RFWD3: variants seen among roughly 807,000 people sequenced by gnomAD.
The protein encoded by RFWD3 is ring finger and WD repeat domain 3, also known as E3 ubiquitin-protein ligase RFWD3.
RFWD3 carries 65 observed loss-of-function variants against 87.7 expected under a neutral mutation model. The ratio of observed to expected loss-of-function variants is 0.74; its 90% CI spans 0.61 to 0.91. The LOEUF (loss-of-function observed/expected upper bound fraction) is 0.91. Among genes scored for constraint, RFWD3 ranks in the 40% least tolerant of loss-of-function variants. The pLI is 0.00. For synonymous variants in RFWD3, 433 were observed against 352.8 expected (o/e 1.23, Z -2.55); for missense variants, 1,078 against 938.5 (o/e 1.15, Z -1.94).
chr16:74,640,637 T>C (rs1485686680), intron 6 of RFWD3, among the ~76,000 whole-genome samples: 2 of 151,776 alleles, frequency 1.3e-5, no homozygotes, highest in Non-Finnish European at 2.9e-5. Flanking sequence ...AGCAAGACCC[T>C]GTCTTTAAAA....
chr16:74,664,857 T>C (rs1156384899), intron 1 of RFWD3: 5 of 152,140 alleles, frequency 3.3e-5, no homozygotes, highest in African/African-American at 9.7e-5. Flanking sequence ...ACAGCAGAAA[T>C]ACAGAACACT....
At chr16:74,636,719 T>C in intron 7 of RFWD3, 142 bp from the exon 8 acceptor site, 1 of 708,738 alleles carries the variant, frequency 1.4e-6, no homozygotes, top group East Asian at 2.8e-5. Flanking sequence ...GCAGAGTTTT[T>C]GTTTTTTTTT....
At chr16:74,624,754 G>T (rs1958872391) in intron 12 of RFWD3, among the ~76,000 whole-genome samples, 1 of 152,172 alleles carries the variant, frequency 6.6e-6, no homozygotes, top group Non-Finnish European at 1.5e-5. Context: ...CCAACACTTT[G>T]GGAGTCTGAG....
chr16:74,633,769 G>A (rs1959169549), intron 8 of RFWD3, among the ~76,000 whole-genome samples: 1 of 152,044 alleles, frequency 6.6e-6, no homozygotes, highest in African/African-American at 2.4e-5. Context: ...GGGCAATATG[G>A]TGAAACCCTG....
Position 74,644,584 on chromosome 16 carries a change from C to T in RFWD3, c.944G>A (p.Cys315Tyr). The change falls in exon 5 of 13, where the codon TGC (cysteine) becomes TAC (tyrosine). Residue 315 changes from cysteine to tyrosine, a missense_variant. Cys to Tyr is a radical substitution (Grantham distance 194). Transcript: ENST00000361070. ...TTGTCCTTTAAGCCACGTGGAAATG[C>T]ACCTATACCCAAAGAGATGCCCACA... The part of the protein sequence containing the change: ...LRCGHLFGYR[C>Y]ISTWLKGQVR... The T allele has an allele frequency of 6.2e-7, 1 of 1,614,170 alleles. No homozygotes were observed. Among genetic ancestry groups the T allele is most frequent in the Non-Finnish European group, 8.5e-7 (1 of 1,180,030 alleles).
At chr16:74,642,419 TG>T (rs1959739813) in intron 6 of RFWD3, among the ~76,000 whole-genome samples, 1 of 152,110 alleles carries the variant, frequency 6.6e-6, no homozygotes, top group African/African-American at 2.4e-5. Context: ...CCACTGTGCC[TG>T]GCCCTTCTAC....
intron 6 of RFWD3, among the ~76,000 whole-genome samples, chr16:74,640,145 A>ATTT (rs11358380): frequency 7.3e-6 from 1 of 136,112 alleles, no homozygotes; most frequent in East Asian, 2.2e-4. Context: ...TGGAAACTTA[A>ATTT]TTTTTTTTTT....
chr16:74,632,965 C>T (rs1959147526), intron 8 of RFWD3, among the ~76,000 whole-genome samples: 1 of 152,074 alleles, frequency 6.6e-6, no homozygotes, highest in Non-Finnish European at 1.5e-5. Context: ...CCACACCTGG[C>T]CTATGATTCA....
intron 7 of RFWD3, among the ~76,000 whole-genome samples, chr16:74,637,514 C>A (rs916636377): frequency 2.6e-5 from 4 of 152,044 alleles, no homozygotes. Flanking sequence ...GTAATCCCAG[C>A]ACCTCGAGAT....
In RFWD3 at chr16:74,661,280, G is replaced by A; in HGVS notation, c.170C>T (p.Pro57Leu). The change falls in exon 2 of 13, where the codon CCT becomes CTT. Residue 57 changes from proline to leucine, a missense_variant. Pro to Leu is a moderately conservative substitution (Grantham distance 98, BLOSUM62 -3). Transcript: ENST00000361070. Reference protein sequence around the residue: ...QGVPSILQPAPAEVISSQATP... With the variant: ...QGVPSILQPALAEVISSQATP... The stretch of plus-strand genomic sequence containing the variant: ...CGCTTGGCTGCTGATCACCTCAGCA[G>A]GAGCTGGCTGGAGGATGGATGGTAC... 6.2e-7 allele frequency: 1 copy of A among 1,614,202 alleles called. No homozygotes were observed. Among genetic ancestry groups the A allele is most frequent in the African/African-American group, 1.3e-5 (1 of 75,056 alleles).
At chr16:74,650,593 G>T (rs1960484456) in intron 3 of RFWD3, among the ~76,000 whole-genome samples, 1 of 151,960 alleles carries the variant, frequency 6.6e-6, no homozygotes, top group East Asian at 1.9e-4. Flanking sequence ...GATGATCTTT[G>T]CCTAGATATA....
intron 1 of RFWD3, among the ~76,000 whole-genome samples, chr16:74,666,056 G>A (rs1961867324): frequency 6.6e-6 from 1 of 152,038 alleles, no homozygotes; most frequent in Non-Finnish European, 1.5e-5. Flanking sequence ...GGGAGAGGGA[G>A]AGGCGGAGGG....
In RFWD3 at chr16:74,659,344, GT is replaced by G. The variant is rs553268226; in HGVS notation, c.518+1587del. ...AAGTTAGCCCATTTACTTTGGGAGG[GT>G]CCCCAAATTACACCATAAGGTGCCT... On this transcript the variant is annotated intron_variant, in intron 2 of 12. Coordinates refer to ENST00000361070, the MANE Select transcript of RFWD3 (RefSeq NM_018124.4). 1.5e-3 allele frequency among the ~76,000 whole-genome samples: 231 copies of G among 152,202 alleles called. 1 individual carries two copies. The highest frequency in any genetic ancestry group is 2.7e-3 in the Non-Finnish European group (183 of 68,010).
At position 74,637,918 on chromosome 16, in the gene RFWD3, G is replaced by C. The variant is rs2144131341; in HGVS notation, c.1132C>G (p.Gln378Glu). ...LRKQAELESA[Q>E]CRLQLQVLTD... ...AGGACCTGCAGTTGGAGTCGGCACT[G>C]TGCTGATTCTAACTCGGCCTGTTTC... is the stretch of plus-strand genomic sequence containing the variant. Residue 378 changes from glutamine (Q) to glutamate (E), a missense_variant, in exon 7 of 13, where the codon CAG becomes GAG. Physicochemically the swap from Gln to Glu is conservative, Grantham distance 29 (BLOSUM62 2). Coordinates refer to ENST00000361070, the MANE Select transcript of RFWD3 (RefSeq NM_018124.4). 6.2e-7 allele frequency: 1 copy of C among 1,612,756 alleles called. No individual in the cohort carries two copies. Among genetic ancestry groups the C allele is most frequent in the Middle Eastern group, 1.9e-4 (1 of 5,232 alleles).
rs2144131482 is a variant in RFWD3 at position 74,637,925 on chromosome 16, T to C, written c.1125A>G (p.Glu375=). The part of the protein sequence containing the change: ...EQMLRKQAEL[E]SAQCRLQLQV... Reference sequence around the variant, plus strand: ...GCAGTTGGAGTCGGCACTGTGCTGATTCTAACTCGGCCTGTTTCCTTAGCA... The same window carrying C: ...GCAGTTGGAGTCGGCACTGTGCTGACTCTAACTCGGCCTGTTTCCTTAGCA... Residue 375 remains glutamate (E), a synonymous_variant, in exon 7 of 13, where the codon GAA becomes GAG. Transcript: ENST00000361070. 1 of 1,612,554 alleles carries C rather than the reference T, an allele frequency of 6.2e-7. No homozygotes were observed. The highest frequency in any genetic ancestry group is 8.5e-7 in the Non-Finnish European group (1 of 1,179,766).
chr16:74,641,498 T>C (rs1959641798), intron 6 of RFWD3, among the ~76,000 whole-genome samples: 1 of 151,958 alleles, frequency 6.6e-6, no homozygotes, highest in Non-Finnish European at 1.5e-5. Context: ...ACTAGAATAT[T>C]ATCAAGAAAT....
chr16:74,637,137 A>AAAAAAAAAAAAAAAAAAAAAAAAAAAT, intron 7 of RFWD3, among the ~76,000 whole-genome samples: 1 of 150,714 alleles, frequency 6.6e-6, no homozygotes, highest in Non-Finnish European at 1.5e-5. Flanking sequence ...AAAAAAAAAA[A>AAAAAAAAAAAAAAAAAAAAAAAAAAAT]AAAAAAAACA....
chr16:74,638,086 T>C (rs1041513609), intron 6 of RFWD3, 116 bp from the exon 7 acceptor site: 2 of 613,684 alleles, frequency 3.3e-6, no homozygotes, highest in Non-Finnish European at 5.9e-6. Context: ...AAATATGTTA[T>C]GATAGTGAAT....
intron 1 of RFWD3, among the ~76,000 whole-genome samples, chr16:74,661,661 G>A (rs1037441372): frequency 2.0e-5 from 3 of 152,048 alleles, no homozygotes; most frequent in East Asian, 3.9e-4. Context: ...CCAGTTTTCC[G>A]GTTTGCCCTT....
Sources: allele counts gnomAD v4.1 joint callset (sites outside exome capture counted in the v4.1 genomes callset), GRCh38; gene constraint gnomAD v4.1.1; transcripts MANE v1.5; gene names NCBI Gene and HGNC (gene_info 2026-07-23, HGNC 2026-07-21).